CPHXL: variants seen among roughly 807,000 people sequenced by gnomAD.
CPHXL encodes the protein cytoplasmic polyadenylated homeobox like, also known as cytoplasmic polyadenylated homeobox-like protein.
chr16:75,718,330 A>G lies in CPHXL; in HGVS notation c.154T>C (p.Tyr52His), dbSNP rs1959423398. The change falls in exon 2 of 3, where the codon TAT becomes CAT. Residue 52 changes from tyrosine (Y) to histidine (H), a missense_variant. Coordinates refer to ENST00000640559, the MANE Select transcript of CPHXL (RefSeq NM_001355613.1). ...ELKEIFGENC[Y>H]PDYTTRKTLA... ...GTTTTCCTAGTTGTGTAATCGGGAT[A>G]ACAGTTCTCTCCAAATATTTCCTTA... 1 of 398,850 alleles carries G rather than the reference A, an allele frequency of 2.5e-6. No individual in the cohort carries two copies. The highest frequency in any genetic ancestry group is 4.4e-6 in the Non-Finnish European group (1 of 226,218). 24.7% of individuals were successfully genotyped at this position (398,850 alleles called of 1,614,324 possible).
intron 1 of CPHXL, 145 bp from the exon 2 acceptor site, chr16:75,718,603 T>C (rs1392147687): frequency 2.5e-6 from 1 of 392,450 alleles, no homozygotes; most frequent in East Asian, 3.6e-5. Context: ...CTACTCACAA[T>C]AATAAAATTA....
At position 75,714,937 on chromosome 16, in the gene CPHXL, C is replaced by T. The variant is rs1959369021; in HGVS notation, c.505G>A (p.Val169Met). 1.8e-5 allele frequency: 7 copies of T among 398,526 alleles called. No individual in the cohort carries two copies. The highest frequency in any genetic ancestry group is 1.3e-4 in the Admixed American group (3 of 22,718). 24.7% of individuals were successfully genotyped at this position (398,526 alleles called of 1,614,324 possible). A position where few individuals can be genotyped will look rare whatever the true frequency, so the allele number is the denominator to read the frequency against. The change falls in exon 3 of 3, where the codon GTG becomes ATG. Residue 169 changes from valine (V) to methionine (M), a missense_variant. By Grantham distance (21) the Val-to-Met change is conservative. Transcript: ENST00000640559. ...TCCAGATAAGAGCACTGGGGGCCCA[C>T]CTGTTGACTGGGAGTCTCTTGGTTC... ...LENQETPSQQ[V>M]GPQCSYLEKP...
chr16:75,723,639 G>A (rs1439248296), intron 1 of CPHXL, among the ~76,000 whole-genome samples: 2 of 152,234 alleles, frequency 1.3e-5, no homozygotes, highest in African/African-American at 2.4e-5. Context: ...ATGCTCATGG[G>A]TAGGAAGAAT....
At chr16:75,723,007 TTA>T (rs1959500662) in intron 1 of CPHXL, among the ~76,000 whole-genome samples, 1 of 152,164 alleles carries the variant, frequency 6.6e-6, no homozygotes, top group African/African-American at 2.4e-5. Context: ...AACCACATGA[TTA>T]TCTCAATAGA....
At chr16:75,726,074 G>GAGA (rs35564290) in intron 1 of CPHXL, among the ~76,000 whole-genome samples, 26,421 of 151,792 alleles carry the variant, frequency 0.17, 3,505 homozygotes, top group East Asian at 0.65. Flanking sequence ...TGGAACAATT[G>GAGA]AGGTTAAGAA....
At chr16:75,724,825 C>G (rs1241710871) in intron 1 of CPHXL, among the ~76,000 whole-genome samples, 2 of 152,230 alleles carry the variant, frequency 1.3e-5, no homozygotes, top group South Asian at 2.1e-4. Flanking sequence ...CACATGCACA[C>G]GTATGTTTAT....
chr16:75,726,394 G>C (rs1959560200), intron 1 of CPHXL, 24 bp downstream of exon 1: 1 of 398,462 alleles, frequency 2.5e-6, no homozygotes, highest in African/African-American at 2.1e-5. Context: ...AGCATTGTAA[G>C]AGAAAAAGCT....
At chr16:75,715,923 C>T (rs1410779233) in intron 2 of CPHXL, among the ~76,000 whole-genome samples, 2 of 152,084 alleles carry the variant, frequency 1.3e-5, no homozygotes, top group Non-Finnish European at 2.9e-5. Flanking sequence ...GTCTCGAACT[C>T]CTGACCTCAG....
chr16:75,715,442 T>A (rs1007265143), intron 2 of CPHXL, among the ~76,000 whole-genome samples: 16 of 152,134 alleles, frequency 1.1e-4, no homozygotes, highest in Non-Finnish European at 4.4e-5. Flanking sequence ...AACCATAACC[T>A]CCTTCACTGG....
At position 75,715,229 on chromosome 16, in the gene CPHXL, A is replaced by G; in HGVS notation, c.220-7T>C. The G allele has an allele frequency of 2.5e-6, 1 of 398,824 alleles. No homozygotes were observed. The highest frequency in any genetic ancestry group is 4.4e-6 in the Non-Finnish European group (1 of 226,194). The allele number at this position is 398,824 out of a possible 1,614,324, so 24.7% of individuals were successfully genotyped here. Reference sequence around the variant, plus strand: ...TTTTATTCTGGAACCAATTCTAGAGAGAAAAGATAATATTGTTTTATTGAC... The same window carrying G: ...TTTTATTCTGGAACCAATTCTAGAGGGAAAAGATAATATTGTTTTATTGAC... On this transcript the variant is annotated splice_region_variant and splice_polypyrimidine_tract_variant and intron_variant, in intron 2 of 2. Coordinates refer to ENST00000640559, the MANE Select transcript of CPHXL (RefSeq NM_001355613.1).
chr16:75,719,644 G>A (rs930364154), intron 1 of CPHXL, among the ~76,000 whole-genome samples: 1 of 152,170 alleles, frequency 6.6e-6, no homozygotes, highest in Non-Finnish European at 1.5e-5. Context: ...GCTCAAGGAG[G>A]CCTGCCTGCC....
chr16:75,715,593 CACCTAG>C (rs113310162), intron 2 of CPHXL, among the ~76,000 whole-genome samples: 124 of 152,318 alleles, frequency 8.1e-4, no homozygotes, highest in African/African-American at 2.9e-3. Context: ...CCAGCTGTCC[CACCTAG>C]TCATGCATAG....
intron 1 of CPHXL, among the ~76,000 whole-genome samples, chr16:75,723,079 T>C (rs1407116926): frequency 1.3e-5 from 2 of 152,122 alleles, no homozygotes; most frequent in Non-Finnish European, 2.9e-5. Context: ...CTCAATAAAT[T>C]AGGTATTGAT....
At chr16:75,718,637 A>G (rs956180910) in intron 1 of CPHXL, among the ~76,000 whole-genome samples, 179 bp from the exon 2 acceptor site, 1 of 152,120 alleles carries the variant, frequency 6.6e-6, no homozygotes, top group Admixed American at 6.5e-5. Flanking sequence ...GAATTGGCTA[A>G]CTCTAGGCCT....
intron 2 of CPHXL, among the ~76,000 whole-genome samples, chr16:75,716,493 C>A (rs1323349520): frequency 6.6e-6 from 1 of 152,168 alleles, no homozygotes; most frequent in Non-Finnish European, 1.5e-5. Flanking sequence ...AAGGATATTA[C>A]AAAAGATACA....
chr16:75,723,003 A>G (rs1053238033), intron 1 of CPHXL, among the ~76,000 whole-genome samples: 15 of 152,368 alleles, frequency 9.8e-5, no homozygotes, highest in African/African-American at 3.6e-4. Flanking sequence ...CAAAAACCAC[A>G]TGATTATCTC....
At position 75,718,454 on chromosome 16, in the gene CPHXL, G is replaced by A. The variant is rs1959425558; in HGVS notation, c.30C>T (p.Phe10=). The change falls in exon 2 of 3, where the codon TTC becomes TTT. Residue 10 remains phenylalanine, a synonymous_variant. Coordinates refer to ENST00000640559, the MANE Select transcript of CPHXL (RefSeq NM_001355613.1). MNLDGTSGG[F]PAEEDHHNEE... is the part of the protein sequence containing the mutation. ...CATTATGATGATCCTCTTCAGCTGGGAAACCTGACAAAAGTATAAGTAGCG... is the reference window on the plus strand; with the variant it reads ...CATTATGATGATCCTCTTCAGCTGGAAAACCTGACAAAAGTATAAGTAGCG... 1.8e-5 allele frequency: 7 copies of A among 398,482 alleles called. No homozygotes were observed. The East Asian group carries it at 2.5e-4, about 14-fold the overall frequency. 24.7% of individuals were successfully genotyped at this position (398,482 alleles called of 1,614,324 possible). A position where few individuals can be genotyped will look rare whatever the true frequency, so the allele number is the denominator to read the frequency against.
At chr16:75,716,355 G>A (rs1423567548) in intron 2 of CPHXL, among the ~76,000 whole-genome samples, 1 of 152,100 alleles carries the variant, frequency 6.6e-6, no homozygotes, top group Admixed American at 6.5e-5. Flanking sequence ...TGCAAGTCTG[G>A]GCTTCTGAAA....
At chr16:75,715,606 A>G (rs958781086) in intron 2 of CPHXL, among the ~76,000 whole-genome samples, 6 of 152,190 alleles carry the variant, frequency 3.9e-5, no homozygotes, top group African/African-American at 1.2e-4. Context: ...CTAGTCATGC[A>G]TAGTTCACAC....
Sources: gnomAD v4.1 joint callset for allele counts (sites outside exome capture counted in the v4.1 genomes callset) on GRCh38, gnomAD v4.1.1 for gene constraint, MANE v1.5 for transcripts, NCBI Gene and HGNC (gene_info 2026-07-23, HGNC 2026-07-21) for gene names.